DNAH17: variants seen among roughly 807,000 people sequenced by gnomAD.
DNAH17 encodes axonemal beta dynein heavy chain 17.
In DNAH17, 376 loss-of-function variants were observed where a neutral mutation model predicts 485.6. The ratio of observed to expected loss-of-function variants is 0.77; its 90% CI spans 0.71 to 0.84. The LOEUF (loss-of-function observed/expected upper bound fraction) is 0.84. Among genes scored for constraint, DNAH17 ranks in the 40% least tolerant of loss-of-function variants. DNAH17 has a pLI of 0.00. For synonymous variants in DNAH17, 3,031 were observed against 2,405.9 expected (o/e 1.26, Z -7.60); for missense variants, 6,370 against 5,839.3 (o/e 1.09, Z -2.96).
intron 9 of DNAH17, among the ~76,000 whole-genome samples, chr17:78,568,749 C>G (rs1471492007): frequency 3.3e-5 from 5 of 152,184 alleles, no homozygotes; most frequent in African/African-American, 1.2e-4. Flanking sequence ...CTGGGCTGGG[C>G]CATGCACCAT....
intron 67 of DNAH17, 71 bp downstream of exon 67, chr17:78,450,611 A>C: frequency 6.5e-7 from 1 of 1,535,168 alleles, no homozygotes; most frequent in Non-Finnish European, 8.8e-7. Flanking sequence ...CATGGTAGGG[A>C]GGCGCCGATC....
intron 3 of DNAH17, among the ~76,000 whole-genome samples, chr17:78,572,201 G>A (rs775533279): frequency 5.3e-5 from 8 of 152,108 alleles, no homozygotes; most frequent in Non-Finnish European, 8.8e-5. Context: ...ATATCAGGGC[G>A]GTTGCAAATT....
rs957183832 is a variant in DNAH17 at position 78,547,447 on chromosome 17, G to C, written c.2392-3450C>G. Among the ~76,000 whole-genome samples, 6 of 152,150 alleles carry C rather than the reference G, an allele frequency of 3.9e-5. No homozygotes were observed. In the East Asian group the frequency reaches 7.7e-4, roughly 20 times the overall value. ...GCTACCTGCTTGGTAGAAACATGCAGAATATTGTTCTGTATCCTTGGGATT... is the reference window on the plus strand; with the variant it reads ...GCTACCTGCTTGGTAGAAACATGCACAATATTGTTCTGTATCCTTGGGATT... On this transcript the variant is annotated intron_variant, in intron 16 of 80. Coordinates refer to ENST00000389840, the MANE Select transcript of DNAH17 (RefSeq NM_173628.4).
rs144629975 is a variant in DNAH17, at chr17:78,486,796, C to T, written c.6819-290G>A. On this transcript the variant is annotated intron_variant, in intron 44 of 80. Transcript: ENST00000389840. ...GTTGGAAGCCATTCTTGCTACCACA[C>T]GGGAAGCACATACCAAGGGCTGGTG... Among the ~76,000 whole-genome samples the T allele has an allele frequency of 1.1e-3, 165 of 152,154 alleles. 1 individual carries two copies. The East Asian group carries it at 0.026, about 24-fold the overall frequency.
At position 78,503,168 on chromosome 17, in the gene DNAH17, CCTT is replaced by C. The variant is rs1372610543; in HGVS notation, c.4957-160_4957-158del. On this transcript the variant is annotated intron_variant, in intron 31 of 80. Transcript: ENST00000389840. ...TTTACAGAGCAGTAACAGTGACACA[CCTT>C]TTTTTTTTTTTTTTTTTTTTTTTTT... 21 of 325,598 alleles carry C rather than the reference CCTT, an allele frequency of 6.4e-5. No individual in the cohort carries two copies. The Admixed American group carries it at 9.4e-4, about 15-fold the overall frequency. 20.2% of individuals were successfully genotyped at this position (325,598 alleles called of 1,614,324 possible). A position where few individuals can be genotyped will look rare whatever the true frequency, so the allele number is the denominator to read the frequency against.
At position 78,459,117 on chromosome 17, in the gene DNAH17, C is replaced by T. The variant is rs139080560; in HGVS notation, c.9745G>A (p.Val3249Ile). ...AGLCSWCINI[V>I]RFYEVYCDVA... is the part of the protein sequence containing the mutation. ...TCGCAGTAGACCTCGTAGAAGCGGA[C>T]GATGTTGATGCACCAGGAGCACAGG... Residue 3249 changes from valine to isoleucine, a missense_variant, in exon 61 of 81, where the codon GTC becomes ATC. Physicochemically the swap from Val to Ile is conservative, Grantham distance 29 (BLOSUM62 3). Coordinates refer to ENST00000389840, the MANE Select transcript of DNAH17 (RefSeq NM_173628.4). 1,038 of 1,613,976 alleles carry T rather than the reference C, an allele frequency of 6.4e-4. 7 individuals carry two copies. In the African/African-American group the frequency reaches 0.012, roughly 19 times the overall value.
In DNAH17 at chr17:78,553,315, TTTTTA is replaced by T. The variant is rs1279957332; in HGVS notation, c.2179-515_2179-511del. Reference sequence around the variant, plus strand: ...TTTTTTTTTTTTTTTTTTTTTTTTTTTTTTAAGATGGAGTCTCACTCTGTCACCCA... The same window carrying T: ...TTTTTTTTTTTTTTTTTTTTTTTTTTAGATGGAGTCTCACTCTGTCACCCA... On this transcript the variant is annotated intron_variant, in intron 14 of 80. Coordinates refer to ENST00000389840, the MANE Select transcript of DNAH17 (RefSeq NM_173628.4). 3.5e-3 allele frequency among the ~76,000 whole-genome samples: 187 copies of T among 53,770 alleles called. 22 individuals are homozygous for T. The highest frequency in any genetic ancestry group is 7.2e-3 in the African/African-American group (101 of 14,098). The allele number at this position is 53,770 out of a possible 152,430, so 35.3% of individuals were successfully genotyped here. A position where few individuals can be genotyped will look rare whatever the true frequency, so the allele number is the denominator to read the frequency against.
rs910605138 is a variant in DNAH17 at position 78,454,450 on chromosome 17, G to T, written c.10406+20C>A. On this transcript the variant is annotated intron_variant, in intron 64 of 80. Transcript: ENST00000389840. ...CCAAGCAGAGCCGGGCTTCGGCCCA[G>T]GTCCTGCGCCCGCACACACCTCTTC... The T allele has an allele frequency of 7.5e-6, 12 of 1,594,130 alleles. No homozygotes were observed. The Admixed American group carries it at 1.5e-4, about 21-fold the overall frequency.
At chr17:78,449,314 T>TG (rs2087445382) in intron 69 of DNAH17, 100 bp downstream of exon 69, 7 of 1,277,568 alleles carry the variant, frequency 5.5e-6, no homozygotes, top group Non-Finnish European at 7.6e-6. Flanking sequence ...TCACCAGGTT[T>TG]GGGTGGGGGC....
chr17:78,572,889 G>A lies in DNAH17; in HGVS notation c.351C>T (p.Leu117=), dbSNP rs754710123. 27 of 1,613,388 alleles carry A rather than the reference G, an allele frequency of 1.7e-5. No homozygotes were observed. The African/African-American group carries it at 2.8e-4, about 17-fold the overall frequency. ...DQLIAVVEEV[L]SSLLNQSENM... ...TCTCACTTTGGTTTAACAGAGAAGA[G>A]AGGACCTAAAAGGAAACACTTCTGT... Residue 117 remains leucine, a synonymous_variant, in exon 3 of 81, where the codon CTC becomes CTT. Coordinates refer to ENST00000389840, the MANE Select transcript of DNAH17 (RefSeq NM_173628.4).
intron 75 of DNAH17, among the ~76,000 whole-genome samples, chr17:78,431,539 C>T (rs1286065419): frequency 6.6e-6 from 1 of 150,502 alleles, no homozygotes; most frequent in Non-Finnish European, 1.5e-5. Context: ...AAGCAACGTT[C>T]CATCAGACTT....
rs1193501341 is a variant in DNAH17, at chr17:78,491,570, C to T, written c.6542G>A (p.Gly2181Asp). ...GTCTCGCATGATGGTGGAGAACAGGCCTGGGGGAGGCGCGTGGTATGACCC... is the reference window on the plus strand; with the variant it reads ...GTCTCGCATGATGGTGGAGAACAGGTCTGGGGGAGGCGCGTGGTATGACCC... ...INPVTREWKD[G>D]LFSTIMRDLA... Residue 2181 changes from glycine to aspartate, a missense_variant and splice_region_variant, in exon 43 of 81, where the codon GGC becomes GAC. Transcript: ENST00000389840. 2 of 1,613,708 alleles carry T rather than the reference C, an allele frequency of 1.2e-6. No individual in the cohort carries two copies. The highest frequency in any genetic ancestry group is 1.7e-6 in the Non-Finnish European group (2 of 1,179,810).
intron 56 of DNAH17, among the ~76,000 whole-genome samples, 194 bp downstream of exon 56, chr17:78,466,460 AT>A (rs1358149306): frequency 6.6e-6 from 1 of 151,414 alleles, no homozygotes; most frequent in Admixed American, 6.6e-5. Flanking sequence ...TTAAAAAAAA[AT>A]AAAAAATAAA....
At chr17:78,575,564 A>C (rs2092422261) in intron 1 of DNAH17, among the ~76,000 whole-genome samples, 2 of 152,186 alleles carry the variant, frequency 1.3e-5, no homozygotes, top group Admixed American at 1.3e-4. Flanking sequence ...CGTGAGGCTC[A>C]GCGCTCAGTC....
intron 25 of DNAH17, among the ~76,000 whole-genome samples, chr17:78,524,684 C>A (rs1411231196): frequency 6.6e-6 from 1 of 151,642 alleles, no homozygotes; most frequent in Non-Finnish European, 1.5e-5. Context: ...AAGTGGTATT[C>A]CTTACTTAAA....
intron 26 of DNAH17, 97 bp from the exon 27 acceptor site, chr17:78,510,603 A>G (rs2143076474): frequency 2.0e-6 from 3 of 1,527,310 alleles, no homozygotes; most frequent in Non-Finnish European, 2.7e-6. Context: ...TTGCCGGGGC[A>G]CGATCCCGGG....
At position 78,561,781 on chromosome 17, in the gene DNAH17, T is replaced by C. The variant is rs1281031744; in HGVS notation, c.1769A>G (p.Lys590Arg). Residue 590 changes from lysine (K) to arginine (R), a missense_variant, in exon 12 of 81, where the codon AAA becomes AGA. Coordinates refer to ENST00000389840, the MANE Select transcript of DNAH17 (RefSeq NM_173628.4). Reference sequence around the variant, plus strand: ...CCTCTCCTGCAGCTCCAGGCTCCATTTGAGCTGCCCGGCCACGGGAGGCAT... The same window carrying C: ...CCTCTCCTGCAGCTCCAGGCTCCATCTGAGCTGCCCGGCCACGGGAGGCAT... ...KNMPPVAGQLKWSLELQERLE... is the reference protein window; with the variant it reads ...KNMPPVAGQLRWSLELQERLE... 2.5e-6 allele frequency: 4 copies of C among 1,613,476 alleles called. No individual in the cohort carries two copies. Among genetic ancestry groups the C allele is most frequent in the South Asian group, 1.1e-5 (1 of 90,958 alleles).
chr17:78,516,772 T>C (rs1299194952), intron 25 of DNAH17, among the ~76,000 whole-genome samples: 4 of 152,072 alleles, frequency 2.6e-5, no homozygotes, highest in African/African-American at 9.7e-5. Context: ...GGCCTTCAAT[T>C]TGTACCTTCT....
chr17:78,475,643 C>T, intron 53 of DNAH17, 26 bp downstream of exon 53: 1 of 1,612,176 alleles, frequency 6.2e-7, no homozygotes, highest in Admixed American at 1.7e-5. Flanking sequence ...GTCCCGTGCC[C>T]TTGCTATCAG....
Sources: allele counts gnomAD v4.1 joint callset (sites outside exome capture counted in the v4.1 genomes callset), GRCh38; gene constraint gnomAD v4.1.1; transcripts MANE v1.5; gene names NCBI Gene and HGNC (gene_info 2026-07-23, HGNC 2026-07-21).